TNR: variants seen among roughly 807,000 people sequenced by gnomAD.
TNR encodes the protein tenascin R, also known as tenascin-R.
A neutral mutation model predicts 150.4 loss-of-function variants in TNR; 45 were observed. The ratio of observed to expected loss-of-function variants is 0.30; its 90% confidence interval spans 0.24 to 0.38. TNR has a LOEUF of 0.38. Among genes scored for constraint, TNR ranks in the 10% least tolerant of loss-of-function variants. The pLI, the probability that TNR is intolerant of heterozygous loss-of-function variation, is 1.00. For missense variants in TNR, 1,544 were observed against 1,759.1 expected (o/e 0.88, Z 2.19); for synonymous variants, 687 against 678.4 (o/e 1.01, Z -0.20).
intron 2 of TNR, among the ~76,000 whole-genome samples, chr1:175,481,030 C>G (rs1657788289): frequency 6.6e-6 from 1 of 151,936 alleles, no homozygotes; most frequent in Non-Finnish European, 1.5e-5. Flanking sequence ...GAACTGAAAA[C>G]CTTCTGCGTT....
In TNR at chr1:175,366,071, G is replaced by T. The variant is rs746628532; in HGVS notation, c.2121C>A (p.Thr707=). The T allele has an allele frequency of 2.7e-5, 43 of 1,613,922 alleles. No homozygotes were observed. The highest frequency in any genetic ancestry group is 3.3e-4 in the Middle Eastern group (2 of 6,082). ...AGTGGTCAATGGGGCCACTGGCCTT[G>T]GTCCAGATGAGGGAGATGGAGGTCT... ...SSETSISLIW[T]KASGPIDHYR... Residue 707 remains threonine, a synonymous_variant, in exon 11 of 23, where the codon ACC becomes ACA. Coordinates refer to ENST00000367674, the MANE Select transcript of TNR (RefSeq NM_003285.3).
chr1:175,649,849 C>T (rs1171687935), intron 1 of TNR, among the ~76,000 whole-genome samples: 1 of 152,178 alleles, frequency 6.6e-6, no homozygotes, highest in African/African-American at 2.4e-5. Flanking sequence ...ACCTGGGGCT[C>T]CTCACATGCA....
At chr1:175,685,853 GTT>G (rs11435846) in intron 1 of TNR, among the ~76,000 whole-genome samples, 23 of 147,830 alleles carry the variant, frequency 1.6e-4, no homozygotes, top group African/African-American at 5.7e-4. Context: ...ACCATTAGCT[GTT>G]TTTTTTTTTT....
chr1:175,592,593 G>A (rs553493214), intron 1 of TNR, among the ~76,000 whole-genome samples: 3 of 152,334 alleles, frequency 2.0e-5, no homozygotes, highest in African/African-American at 7.2e-5. Flanking sequence ...CATCTAGGCA[G>A]TACATTTCTG....
intron 1 of TNR, among the ~76,000 whole-genome samples, chr1:175,666,250 G>C (rs371493477): frequency 1.5e-4 from 23 of 152,152 alleles, no homozygotes; most frequent in African/African-American, 5.3e-4. Context: ...CTTTAAGATG[G>C]GACATTGCCT....
At chr1:175,720,686 A>G (rs1339389700) in intron 1 of TNR, among the ~76,000 whole-genome samples, 2 of 152,218 alleles carry the variant, frequency 1.3e-5, no homozygotes, top group Non-Finnish European at 2.9e-5. Flanking sequence ...TTAATGTGCA[A>G]CAAGGCTTCC....
chr1:175,389,037 T>C (rs1055296102), intron 7 of TNR, among the ~76,000 whole-genome samples: 1 of 152,260 alleles, frequency 6.6e-6, no homozygotes, highest in African/African-American at 2.4e-5. Context: ...ACTAATACTT[T>C]CTTAATATCA....
At chr1:175,550,840 A>T (rs1660910839) in intron 1 of TNR, among the ~76,000 whole-genome samples, 1 of 152,144 alleles carries the variant, frequency 6.6e-6, no homozygotes, top group African/African-American at 2.4e-5. Flanking sequence ...GATCCTACTT[A>T]CAAAGGGACA....
chr1:175,719,388 C>T (rs2101942806), intron 1 of TNR, among the ~76,000 whole-genome samples: 2 of 152,322 alleles, frequency 1.3e-5, no homozygotes, highest in Middle Eastern at 3.4e-3. Context: ...GAGGCCACAG[C>T]CCTGAGGCAG....
chr1:175,605,007 G>T (rs971591459), intron 1 of TNR, among the ~76,000 whole-genome samples: 1 of 152,204 alleles, frequency 6.6e-6, no homozygotes, highest in African/African-American at 2.4e-5. Flanking sequence ...TTGGCTTGAA[G>T]CTCATCTTTA....
intron 1 of TNR, among the ~76,000 whole-genome samples, chr1:175,700,300 C>T (rs966277179): frequency 6.6e-6 from 1 of 152,104 alleles, no homozygotes; most frequent in Non-Finnish European, 1.5e-5. Flanking sequence ...GAAGCTTGGC[C>T]CCATGGTCAA....
At chr1:175,407,176 C>T (rs1654004193) in intron 2 of TNR, among the ~76,000 whole-genome samples, 1 of 152,154 alleles carries the variant, frequency 6.6e-6, no homozygotes. Context: ...GGTGTCCTCT[C>T]CTATTTCCCC....
intron 1 of TNR, among the ~76,000 whole-genome samples, chr1:175,592,495 C>T (rs2101839161): frequency 6.6e-6 from 1 of 151,310 alleles, no homozygotes; most frequent in African/African-American, 2.4e-5. Context: ...ACTGAGGGAC[C>T]CCTGGCTCGA....
At chr1:175,483,249 T>C (rs1305891325) in intron 2 of TNR, among the ~76,000 whole-genome samples, 2 of 151,934 alleles carry the variant, frequency 1.3e-5, no homozygotes, top group Admixed American at 6.6e-5. Context: ...AGAGGTGCAG[T>C]GAGGGCCTAG....
rs192196887 is a variant in TNR at position 175,587,302 on chromosome 1, A to C, written c.-164-58933T>G. Among the ~76,000 whole-genome samples, 542 of 152,320 alleles carry C rather than the reference A, an allele frequency of 3.6e-3. 1 individual carries two copies. The highest frequency in any genetic ancestry group is 0.01 in the Middle Eastern group (3 of 294). ...GAATTAAGGAATGCAGAGTGGCATA[A>C]AAGAAAGGTAGGCTTTGGACTGTGA... On this transcript the variant is annotated intron_variant, in intron 1 of 22. Coordinates refer to ENST00000367674, the MANE Select transcript of TNR (RefSeq NM_003285.3).
intron 2 of TNR, among the ~76,000 whole-genome samples, chr1:175,481,281 T>C (rs1248416706): frequency 2.4e-4 from 37 of 152,258 alleles, no homozygotes; most frequent in Non-Finnish European, 1.5e-5. Flanking sequence ...AGACGAGATT[T>C]AAGTATGTGG....
At chr1:175,520,017 G>T (rs1314217704) in intron 2 of TNR, among the ~76,000 whole-genome samples, 1 of 152,156 alleles carries the variant, frequency 6.6e-6, no homozygotes, top group Non-Finnish European at 1.5e-5. Context: ...TTCCTGCACG[G>T]ATTTTCTTAT....
chr1:175,618,344 C>T (rs1360336441), intron 1 of TNR, among the ~76,000 whole-genome samples: 1 of 152,178 alleles, frequency 6.6e-6, no homozygotes, highest in African/African-American at 2.4e-5. Context: ...CATTAGAGCC[C>T]ACCTCCTATT....
At position 175,354,395 on chromosome 1, in the gene TNR, G is replaced by T. The variant is rs1651217617; in HGVS notation, c.3378C>A (p.Thr1126=). The T allele has an allele frequency of 6.2e-7, 1 of 1,613,830 alleles. No individual in the cohort carries two copies. Among genetic ancestry groups the T allele is most frequent in the Non-Finnish European group, 8.5e-7 (1 of 1,179,896 alleles). ...AAAGTGGCCATGCTCCCTCACCTGT[G>T]GTGAAAGCGGTGGAGGTGATGCTGC... ...TWSSITSTAF[T]TGGRVFPHPQ... The change falls in exon 18 of 23, where the codon ACC becomes ACA. Residue 1126 remains threonine (T), a synonymous_variant. Coordinates refer to ENST00000367674, the MANE Select transcript of TNR (RefSeq NM_003285.3).
Sources: allele counts gnomAD v4.1 joint callset (sites outside exome capture counted in the v4.1 genomes callset), GRCh38; gene constraint gnomAD v4.1.1; transcripts MANE v1.5; gene names NCBI Gene and HGNC (gene_info 2026-07-23, HGNC 2026-07-21).